Variants in IDUA observed in about 807,000 individuals in gnomAD.
The protein encoded by IDUA is alpha-L-iduronidase.
In IDUA, 65 loss-of-function variants were observed where a neutral mutation model predicts 68.9. That is an observed-to-expected ratio of 0.94 (90% confidence interval 0.77 to 1.16). The LOEUF is 1.16. Among genes scored for constraint, IDUA ranks in the 50% most tolerant of loss-of-function variants. The pLI is 0.00. For missense variants in IDUA, 1,046 were observed against 938.0 expected (o/e 1.12, Z -1.50); for synonymous variants, 529 against 433.6 (o/e 1.22, Z -2.73).
chr4:1,003,380 C>A lies in IDUA; in HGVS notation c.1560C>A (p.Ala520=). The change falls in exon 11 of 14, where the codon GCC becomes GCA. Residue 520 remains alanine, a synonymous_variant. Transcript: ENST00000514224. ...PVAAAPRPLP[A]GGRLTLRPAL... The stretch of plus-strand genomic sequence containing the variant: ...CCGCGGCGCCCCGCCCCTTACCCGC[C>A]GGCGGCCGCCTGACCCTGCGCCCCG... 1 of 1,491,538 alleles carries A rather than the reference C, an allele frequency of 6.7e-7. No homozygotes were observed. The highest frequency in any genetic ancestry group is 8.8e-7 in the Non-Finnish European group (1 of 1,130,382). 92.4% of individuals were successfully genotyped at this position (1,491,538 alleles called of 1,614,324 possible).
rs753165769 is a variant in IDUA at position 1,004,237 on chromosome 4, C to T, written c.1829-23C>T. 1 of 1,609,366 alleles carries T rather than the reference C, an allele frequency of 6.2e-7. No homozygotes were observed. The highest frequency in any genetic ancestry group is 1.1e-5 in the South Asian group (1 of 91,082). ...TCGGGTGGGGGCAGGTTCCGGTTGGCACACATGTCCCCTTGTCTCCAGACA... is the reference window on the plus strand; with the variant it reads ...TCGGGTGGGGGCAGGTTCCGGTTGGTACACATGTCCCCTTGTCTCCAGACA... On this transcript the variant is annotated intron_variant, in intron 13 of 13. Transcript: ENST00000514224. The surrounding 1 kb of genome is among the most constrained non-coding windows in gnomAD (Gnocchi z 5.0).
chr4:994,685 C>G (rs1204478681), intron 2 of IDUA, among the ~76,000 whole-genome samples: 1 of 152,126 alleles, frequency 6.6e-6, no homozygotes, highest in Non-Finnish European at 1.5e-5. Flanking sequence ...GATCCACCCA[C>G]CTCGGCCTCC....
chr4:998,382 C>T lies in IDUA; in HGVS notation c.300-2230C>T, dbSNP rs543134475. The stretch of plus-strand genomic sequence containing the variant: ...GCTGTGGCATGGGGAGACTGACAGA[C>T]GGGGAGCTGTATAGGGCCAGATTCC... On this transcript the variant is annotated intron_variant, in intron 2 of 13. Transcript: ENST00000514224. Among the ~76,000 whole-genome samples the T allele has an allele frequency of 1.5e-4, 23 of 152,258 alleles. No individual in the cohort carries two copies. In the East Asian group the frequency reaches 1.7e-3, roughly 11 times the overall value.
At chr4:989,741 C>T in intron 2 of IDUA, 2 of 1,557,016 alleles carry the variant, frequency 1.3e-6, no homozygotes, top group Middle Eastern at 1.7e-4. Flanking sequence ...AGGCTCTTGG[C>T]CAGGGCGGCG....
intron 4 of IDUA, 43 bp from the exon 5 acceptor site, chr4:1,001,425 C>G: frequency 6.5e-7 from 1 of 1,538,532 alleles, no homozygotes; most frequent in Non-Finnish European, 9.0e-7. Context: ...GTCACTGAGG[C>G]GAGATTCACC....
rs1300097473 is a variant in IDUA at position 1,000,604 on chromosome 4, T to C, written c.300-8T>C. ...CCCTGCTTCCTGACGCTGACCGTCC[T>C]TCTGCAGGGGGTCCACTGGACGGGG... On this transcript the variant is annotated splice_polypyrimidine_tract_variant and splice_region_variant and intron_variant, in intron 2 of 13. Transcript: ENST00000514224. The C allele has an allele frequency of 6.2e-7, 1 of 1,610,086 alleles. No individual in the cohort carries two copies. Among genetic ancestry groups the C allele is most frequent in the African/African-American group, 1.3e-5 (1 of 75,010 alleles).
At chr4:990,354 C>T in intron 2 of IDUA, 1 of 1,598,660 alleles carries the variant, frequency 6.3e-7, no homozygotes, top group South Asian at 1.1e-5. Flanking sequence ...GGAGGACGCC[C>T]ATGAGGACCT....
At chr4:995,138 G>A (rs1026927185) in intron 2 of IDUA, among the ~76,000 whole-genome samples, 14 of 150,754 alleles carry the variant, frequency 9.3e-5, no homozygotes, top group African/African-American at 1.5e-4. Flanking sequence ...TCTGCCTCCC[G>A]GGTTCAAGCG....
intron 2 of IDUA, chr4:991,365 G>T: frequency 6.2e-7 from 1 of 1,612,892 alleles, no homozygotes; most frequent in Non-Finnish European, 8.5e-7. Context: ...TGCCCATGAG[G>T]AAGTAGATGA....
chr4:1,000,320 C>T (rs576693319), intron 2 of IDUA, among the ~76,000 whole-genome samples: 2 of 152,350 alleles, frequency 1.3e-5, no homozygotes, highest in African/African-American at 2.4e-5. Flanking sequence ...CCCTGCTGCT[C>T]GCGACTGGCC....
chr4:996,198 G>A (rs569485172), intron 2 of IDUA, among the ~76,000 whole-genome samples: 1 of 152,368 alleles, frequency 6.6e-6, no homozygotes, highest in Non-Finnish European at 1.5e-5. Flanking sequence ...TGGGAGCTGT[G>A]CTGTAAGAAG....
intron 2 of IDUA, chr4:990,364 T>C: frequency 6.9e-6 from 11 of 1,591,422 alleles, no homozygotes; most frequent in South Asian, 1.1e-5. Flanking sequence ...CATGAGGACC[T>C]GTGGACGGAG....
intron 2 of IDUA, chr4:991,431 T>C (rs1714317276): frequency 6.2e-7 from 1 of 1,612,608 alleles, no homozygotes; most frequent in Non-Finnish European, 8.5e-7. Context: ...CGGCCAGCAA[T>C]GAGTAGGCGA....
rs1026166254 is a variant in IDUA at position 1,002,721 on chromosome 4, C to G, written c.1190-11C>G. The G allele has an allele frequency of 3.4e-6, 5 of 1,465,124 alleles. No individual in the cohort carries two copies. The highest frequency in any genetic ancestry group is 3.0e-5 in the African/African-American group (2 of 67,758). The allele number at this position is 1,465,124 out of a possible 1,614,324, so 90.8% of individuals were successfully genotyped here. A position where few individuals can be genotyped will look rare whatever the true frequency, so the allele number is the denominator to read the frequency against. On this transcript the variant is annotated splice_polypyrimidine_tract_variant and intron_variant, in intron 8 of 13. Coordinates refer to ENST00000514224, the MANE Select transcript of IDUA (RefSeq NM_000203.5). ...GACCCCACGCGGCGACGGCCCCCCC[C>G]CGCCCCGCAGATGAGGAGCAGCTCT...
Position 1,002,105 on chromosome 4 carries a change from T to G in IDUA, c.916T>G (p.Trp306Gly), listed in dbSNP as rs1285575274. 1 of 1,573,096 alleles carries G rather than the reference T, an allele frequency of 6.4e-7. No homozygotes were observed. The highest frequency in any genetic ancestry group is 1.9e-5 in the Admixed American group (1 of 53,268). The change falls in exon 7 of 14, where the codon TGG becomes GGG. Residue 306 changes from tryptophan to glycine, a missense_variant. Transcript: ENST00000514224. Reference protein sequence around the residue: ...YNDEADPLVGWSLPQPWRADV... With the variant: ...YNDEADPLVGGSLPQPWRADV... Reference sequence around the variant, plus strand: ...CGACGAGGCGGACCCGCTGGTGGGCTGGTCCCTGCCACAGCCGTGGAGGGC... The same window carrying G: ...CGACGAGGCGGACCCGCTGGTGGGCGGGTCCCTGCCACAGCCGTGGAGGGC...
intron 12 of IDUA, 136 bp downstream of exon 12, chr4:1,003,761 C>G (rs1715273786): frequency 2.9e-6 from 3 of 1,020,354 alleles, no homozygotes; most frequent in Non-Finnish European, 4.5e-6. Context: ...GCGTCCCTGC[C>G]CTTCACCCCA....
chr4:991,068 G>C, intron 2 of IDUA: 1 of 1,475,274 alleles, frequency 6.8e-7, no homozygotes, highest in Non-Finnish European at 9.0e-7. Context: ...CCTCGTGGAT[G>C]GCCAAAACCT....
chr4:991,674 C>G, intron 2 of IDUA: 1 of 1,535,808 alleles, frequency 6.5e-7, no homozygotes, highest in Non-Finnish European at 8.7e-7. Context: ...GCCCTCTGCC[C>G]TGCTGCAGAG....
chr4:1,001,502 C>T lies in IDUA; in HGVS notation c.528C>T (p.Asn176=), dbSNP rs538650622. ...RYGLAHVSKW[N]FETWNEPDHH... is the part of the protein sequence containing the mutation. ...GACTGGCGCATGTTTCCAAGTGGAA[C>T]TTCGAGACGTGGAATGAGCCAGACC... Residue 176 remains asparagine (N), a synonymous_variant, in exon 5 of 14, where the codon AAC becomes AAT. Transcript: ENST00000514224. The T allele has an allele frequency of 1.2e-6, 2 of 1,613,232 alleles. No homozygotes were observed. Among genetic ancestry groups the T allele is most frequent in the Admixed American group, 1.7e-5 (1 of 60,026 alleles).
Sources: allele counts gnomAD v4.1 joint callset (sites outside exome capture counted in the v4.1 genomes callset), GRCh38; gene constraint gnomAD v4.1.1; non-coding constraint Gnocchi (gnomAD v3.1); transcripts MANE v1.5; gene names NCBI Gene and HGNC (gene_info 2026-07-23, HGNC 2026-07-21).